Variants in SNX25 observed in about 807,000 individuals in gnomAD.
The protein encoded by SNX25 is sorting nexin 25.
Under a neutral mutation model 113.7 loss-of-function variants are expected in SNX25, and 62 were observed. The observed-to-expected ratio is 0.55, with a 90% CI of 0.44 to 0.67. The LOEUF (loss-of-function observed/expected upper bound fraction) is 0.67, where lower values mean the gene tolerates loss of function less well. Ranked by LOEUF, SNX25 falls within the 30% of genes least tolerant of loss-of-function variation. The pLI, the probability that SNX25 is intolerant of heterozygous loss-of-function variation, is 0.00. For missense variants in SNX25, 1,014 were observed against 1,161.0 expected (o/e 0.87, Z 1.84); for synonymous variants, 421 against 436.2 (o/e 0.97, Z 0.43).
intron 1 of SNX25, among the ~76,000 whole-genome samples, chr4:185,239,968 C>G (rs1288826785): frequency 6.6e-6 from 1 of 150,402 alleles, no homozygotes; most frequent in East Asian, 1.9e-4. Flanking sequence ...GGTGATGACT[C>G]TTAACGAGCA....
rs149339109 is a variant in SNX25 at position 185,347,971 on chromosome 4, T to C, written c.2301+1321T>C. ...AATTTTAATTTAGCCCACTTTATCA[T>C]TTTTTTTATCTTATGGTTAATGCCT... On this transcript the variant is annotated intron_variant, in intron 13 of 18. Coordinates refer to ENST00000652585, the MANE Select transcript of SNX25 (RefSeq NM_001378034.2). Among the ~76,000 whole-genome samples, 622 of 152,236 alleles carry C rather than the reference T, an allele frequency of 4.1e-3. 3 individuals carry two copies. The highest frequency in any genetic ancestry group is 7.4e-3 in the Non-Finnish European group (503 of 68,006).
chr4:185,372,266 G>A (rs2095418580), downstream of SNX25, among the ~76,000 whole-genome samples: 1 of 152,182 alleles, frequency 6.6e-6, no homozygotes, highest in African/African-American at 2.4e-5. Flanking sequence ...TCTTCTTACA[G>A]ATAAGGCAAT....
At position 185,352,780 on chromosome 4, in the gene SNX25, C is replaced by T. The variant is rs556214708; in HGVS notation, c.2467-705C>T. On this transcript the variant is annotated intron_variant, in intron 14 of 18. Coordinates refer to ENST00000652585, the MANE Select transcript of SNX25 (RefSeq NM_001378034.2). ...TATCTCCCAAAGACCTGCCTGGGCT[C>T]GCACTTCAGCTCCTACCTCTACACA... Among the ~76,000 whole-genome samples the T allele has an allele frequency of 3.9e-5, 6 of 152,292 alleles. No individual in the cohort carries two copies. In the East Asian group the frequency reaches 9.7e-4, roughly 24 times the overall value.
chr4:185,241,453 C>CA (rs1553988974), intron 1 of SNX25, among the ~76,000 whole-genome samples: 15 of 95,970 alleles, frequency 1.6e-4, no homozygotes, highest in South Asian at 4.1e-4. Flanking sequence ...GGCTCGGCAT[C>CA]GGGGAGACCG....
At chr4:185,221,342 T>TA (rs1739812088) in intron 1 of SNX25, among the ~76,000 whole-genome samples, 1 of 151,996 alleles carries the variant, frequency 6.6e-6, no homozygotes, top group Non-Finnish European at 1.5e-5. Flanking sequence ...CCGGGCTAAT[T>TA]AAAAAAGTTT....
intron 6 of SNX25, among the ~76,000 whole-genome samples, chr4:185,300,580 C>T (rs937935541): frequency 5.9e-5 from 9 of 151,774 alleles, no homozygotes; most frequent in East Asian, 1.9e-4. Context: ...TGGACTTCTC[C>T]GGGTCTTTTC....
chr4:185,316,239 TTTG>T (rs2095073365), intron 7 of SNX25, among the ~76,000 whole-genome samples: 1 of 152,228 alleles, frequency 6.6e-6, no homozygotes, highest in African/African-American at 2.4e-5. Context: ...CTGATTAGTT[TTTG>T]TTGTTGTCTT....
chr4:185,267,121 A>G lies in SNX25; in HGVS notation c.1057A>G (p.Ser353Gly). Residue 353 changes from serine (S) to glycine (G), a missense_variant, in exon 5 of 19, where the codon AGC becomes GGC. Ser to Gly is a moderately conservative substitution (Grantham distance 56). Transcript: ENST00000652585. ...CGAGGACTTCATCAAGCTCATTAAC[A>G]GCAACTCTGATGTGGAGTTCTTGAA... is the stretch of plus-strand genomic sequence containing the variant. ...SYEDFIKLIN[S>G]NSDVEFLKQL... is the part of the protein sequence containing the mutation. 2 of 1,613,912 alleles carry G rather than the reference A, an allele frequency of 1.2e-6. No homozygotes were observed. Among genetic ancestry groups the G allele is most frequent in the Non-Finnish European group, 1.7e-6 (2 of 1,179,930 alleles).
chr4:185,241,305 G>C (rs1192801884), intron 1 of SNX25, among the ~76,000 whole-genome samples: 1 of 151,986 alleles, frequency 6.6e-6, no homozygotes, highest in Non-Finnish European at 1.5e-5. Context: ...GCGAAACCCC[G>C]TCTCCACCAA....
At chr4:185,225,736 T>C (rs1342215447) in intron 1 of SNX25, among the ~76,000 whole-genome samples, 1 of 152,198 alleles carries the variant, frequency 6.6e-6, no homozygotes, top group Non-Finnish European at 1.5e-5. Context: ...CCCAGTTTAA[T>C]TCTTACATCA....
At chr4:185,370,769 CTGGGCGATCA>C, downstream of SNX25, 1 of 1,614,100 alleles carries the variant, frequency 6.2e-7, no homozygotes, top group South Asian at 1.1e-5. Context: ...AGTCTGTGAC[CTGGGCGATCA>C]TGGGGATGTC....
At chr4:185,265,711 T>A (rs934507935) in intron 4 of SNX25, among the ~76,000 whole-genome samples, 2 of 152,242 alleles carry the variant, frequency 1.3e-5, no homozygotes, top group African/African-American at 4.8e-5. Context: ...ACTTTTTGAC[T>A]CTTTTGTAAT....
intron 1 of SNX25, among the ~76,000 whole-genome samples, chr4:185,218,958 C>T (rs1249050792): frequency 2.0e-5 from 3 of 152,164 alleles, no homozygotes; most frequent in Non-Finnish European, 4.4e-5. Flanking sequence ...TACCTTCTTG[C>T]TCTGCCACCC....
chr4:185,227,317 C>G (rs2126389229), intron 1 of SNX25, among the ~76,000 whole-genome samples: 1 of 152,320 alleles, frequency 6.6e-6, no homozygotes, highest in Non-Finnish European at 1.5e-5. Flanking sequence ...CTAGGCCAGT[C>G]ACTTAGAGAG....
chr4:185,260,204 C>T (rs948407025), intron 3 of SNX25, among the ~76,000 whole-genome samples: 5 of 133,088 alleles, frequency 3.8e-5, no homozygotes, highest in African/African-American at 1.2e-4. Flanking sequence ...GAAAGTAAAA[C>T]ATTGGTTTTA....
At chr4:185,364,938 A>G (rs1023565180), downstream of SNX25, 1 of 152,174 alleles carries the variant, frequency 6.6e-6, no homozygotes, top group Admixed American at 6.6e-5. Flanking sequence ...TTTTGTCTCT[A>G]TATTTATTTA....
At chr4:185,309,608 G>A (rs1177366460) in intron 6 of SNX25, among the ~76,000 whole-genome samples, 2 of 151,856 alleles carry the variant, frequency 1.3e-5, no homozygotes, top group African/African-American at 4.8e-5. Flanking sequence ...TTAATTCCTC[G>A]GCAACCTACC....
downstream of SNX25, among the ~76,000 whole-genome samples, chr4:185,374,734 C>T (rs892978141): frequency 6.6e-6 from 1 of 152,154 alleles, no homozygotes; most frequent in South Asian, 2.1e-4. Flanking sequence ...TGATTTAAGT[C>T]TCGATATGGG....
chr4:185,288,651 C>G (rs1338669554), intron 6 of SNX25, among the ~76,000 whole-genome samples: 1 of 151,604 alleles, frequency 6.6e-6, no homozygotes, highest in Non-Finnish European at 1.5e-5. Flanking sequence ...CTATCTTTTT[C>G]TTCCTGTTTG....
Sources: gnomAD v4.1 joint callset for allele counts (sites outside exome capture counted in the v4.1 genomes callset) on GRCh38, gnomAD v4.1.1 for gene constraint, MANE v1.5 for transcripts, NCBI Gene and HGNC (gene_info 2026-07-23, HGNC 2026-07-21) for gene names.